Variants in NCOA2 observed in about 807,000 individuals in gnomAD.
NCOA2 encodes class E basic helix-loop-helix protein 75.
NCOA2 carries 21 observed loss-of-function variants against 145.1 expected under a neutral mutation model. That is an observed-to-expected ratio of 0.14 (90% confidence interval 0.10 to 0.21). NCOA2 has a LOEUF of 0.21. Ranked by LOEUF, NCOA2 falls within the 10% of genes least tolerant of loss-of-function variation. The pLI, the probability that NCOA2 is intolerant of heterozygous loss-of-function variation, is 1.00. For synonymous variants in NCOA2, 619 were observed against 637.5 expected (o/e 0.97, Z 0.44); for missense variants, 1,472 against 1,837.6 (o/e 0.80, Z 3.64).
At chr8:70,237,937 A>G (rs1353822600) in intron 2 of NCOA2, among the ~76,000 whole-genome samples, 1 of 152,244 alleles carries the variant, frequency 6.6e-6, no homozygotes, top group Non-Finnish European at 1.5e-5. Flanking sequence ...CAGTCATTTA[A>G]GTCAAAATAA....
intron 1 of NCOA2, among the ~76,000 whole-genome samples, chr8:70,314,166 C>G (rs191731530): frequency 0.014 from 1,214 of 89,514 alleles, 32 homozygotes; most frequent in African/African-American, 0.053. Context: ...GGCGACAGAG[C>G]AAGACTCTGA....
chr8:70,234,955 T>C (rs1187248726), intron 2 of NCOA2, among the ~76,000 whole-genome samples: 1 of 152,162 alleles, frequency 6.6e-6, no homozygotes, highest in Non-Finnish European at 1.5e-5. Context: ...TGCCATACAA[T>C]CCATCAATTC....
intron 1 of NCOA2, among the ~76,000 whole-genome samples, chr8:70,387,045 G>C (rs1812734936): frequency 6.6e-6 from 1 of 152,056 alleles, no homozygotes; most frequent in African/African-American, 2.4e-5. Context: ...CAAGTAGCTG[G>C]GTTAATTTTT....
intron 1 of NCOA2, among the ~76,000 whole-genome samples, chr8:70,344,250 G>A (rs1021581357): frequency 2.6e-5 from 4 of 152,222 alleles, no homozygotes; most frequent in African/African-American, 7.2e-5. Flanking sequence ...AGGTGGAGAG[G>A]TGGGAAAGGT....
At chr8:70,288,777 T>G (rs1207408797) in intron 2 of NCOA2, among the ~76,000 whole-genome samples, 1 of 152,196 alleles carries the variant, frequency 6.6e-6, no homozygotes, top group East Asian at 1.9e-4. Context: ...AAGAGGAAAT[T>G]TGAACCTGAC....
rs1563460388 is a variant in NCOA2 at position 70,111,742 on chromosome 8, GATATAAGTATAA to G, written c.*1878_*1889del. ...TCCATAATGCGTACATATAGAGAGAGATATAAGTATAAATAGGGGTAGTTTGTACATTTTTCA... is the reference window on the plus strand; with the variant it reads ...TCCATAATGCGTACATATAGAGAGAGATAGGGGTAGTTTGTACATTTTTCA... On this transcript the variant is annotated 3_prime_UTR_variant, in exon 23 of 23. Transcript: ENST00000452400. 4.7e-6 allele frequency: 1 copy of G among 211,490 alleles called. No homozygotes were observed. The highest frequency in any genetic ancestry group is 9.6e-6 in the Non-Finnish European group (1 of 104,640). 13.1% of individuals were successfully genotyped at this position (211,490 alleles called of 1,614,324 possible). A position where few individuals can be genotyped will look rare whatever the true frequency, so the allele number is the denominator to read the frequency against.
At chr8:70,405,390 TG>T (rs1814722371), upstream of NCOA2, among the ~76,000 whole-genome samples, 1 of 150,852 alleles carries the variant, frequency 6.6e-6, no homozygotes, top group African/African-American at 2.4e-5. Flanking sequence ...ACCTATCTAA[TG>T]TTTGAAATGT....
At chr8:70,266,106 C>T (rs1824562644) in intron 2 of NCOA2, among the ~76,000 whole-genome samples, 1 of 152,124 alleles carries the variant, frequency 6.6e-6, no homozygotes, top group African/African-American at 2.4e-5. Flanking sequence ...GCCGAAATCG[C>T]GCTACTGCAC....
chr8:70,361,059 A>T (rs1344095400), intron 1 of NCOA2, among the ~76,000 whole-genome samples: 1 of 152,234 alleles, frequency 6.6e-6, no homozygotes, highest in African/African-American at 2.4e-5. Context: ...AAATTAAAAA[A>T]TTAAGATAAA....
the NCOA2 span, among the ~76,000 whole-genome samples, chr8:70,423,331 G>A: frequency 4.6e-5 from 7 of 152,218 alleles, no homozygotes; most frequent in East Asian, 1.2e-3. Flanking sequence ...TTACAGGCAT[G>A]TACCACCATG....
intron 21 of NCOA2, among the ~76,000 whole-genome samples, chr8:70,123,214 T>A (rs1808021513): frequency 6.6e-6 from 1 of 152,222 alleles, no homozygotes; most frequent in African/African-American, 2.4e-5. Flanking sequence ...TGCCTTCACG[T>A]TCCAAAGTAA....
chr8:70,362,950 T>G (rs1810344755), intron 1 of NCOA2, among the ~76,000 whole-genome samples: 1 of 151,328 alleles, frequency 6.6e-6, no homozygotes, highest in African/African-American at 2.4e-5. Context: ...TAGTGATGCA[T>G]GCTTATAGTC....
chr8:70,272,443 T>G (rs1290260638), intron 2 of NCOA2, among the ~76,000 whole-genome samples: 1 of 152,240 alleles, frequency 6.6e-6, no homozygotes, highest in African/African-American at 2.4e-5. Context: ...TTCTGTGTCA[T>G]GTTTCTGGTT....
chr8:70,304,818 CTA>C (rs1015323820), intron 1 of NCOA2, among the ~76,000 whole-genome samples: 3 of 149,906 alleles, frequency 2.0e-5, no homozygotes, highest in African/African-American at 7.4e-5. Flanking sequence ...TATCTTAAGA[CTA>C]TGGGTAAGAA....
At chr8:70,159,244 T>TATGTATATATATGTATATATA in intron 10 of NCOA2, among the ~76,000 whole-genome samples, 1 of 69,304 alleles carries the variant, frequency 1.4e-5, no homozygotes, top group Non-Finnish European at 2.9e-5. Flanking sequence ...ATATATATAT[T>TATGTATATATATGTATATATA]TTTTTTTTTT....
At chr8:70,271,738 C>T (rs1378724368) in intron 2 of NCOA2, among the ~76,000 whole-genome samples, 1 of 152,208 alleles carries the variant, frequency 6.6e-6, no homozygotes, top group Admixed American at 6.5e-5. Flanking sequence ...TAGACAGAAA[C>T]GCCTTAGCAA....
chr8:70,239,670 A>C (rs1289197111), intron 2 of NCOA2, among the ~76,000 whole-genome samples: 1 of 152,200 alleles, frequency 6.6e-6, no homozygotes, highest in Non-Finnish European at 1.5e-5. Flanking sequence ...GCTTGGCACA[A>C]AAGTTCTATC....
At chr8:70,362,077 C>T (rs560384287) in intron 1 of NCOA2, among the ~76,000 whole-genome samples, 124 of 152,160 alleles carry the variant, frequency 8.1e-4, no homozygotes, top group African/African-American at 2.9e-3. Flanking sequence ...TTTCAAAGTC[C>T]GTTAAACATT....
chr8:70,171,011 A>C (rs1441458378), intron 5 of NCOA2, among the ~76,000 whole-genome samples: 2 of 152,214 alleles, frequency 1.3e-5, no homozygotes, highest in East Asian at 3.9e-4. Flanking sequence ...TGGGGACCTC[A>C]GCATTGCCCT....
Sources: allele counts gnomAD v4.1 joint callset (sites outside exome capture counted in the v4.1 genomes callset), GRCh38; gene constraint gnomAD v4.1.1; transcripts MANE v1.5; gene names NCBI Gene and HGNC (gene_info 2026-07-23, HGNC 2026-07-21).